The following NCALD variants were observed in gnomAD, a reference collection of about 807,000 sequenced individuals.
NCALD encodes neurocalcin-delta.
Under a neutral mutation model 18.6 loss-of-function variants are expected in NCALD, and 10 were observed. That is an observed-to-expected ratio of 0.54 (90% confidence interval 0.33 to 0.91). The LOEUF is 0.91. Among genes scored for constraint, NCALD ranks in the 40% least tolerant of loss-of-function variants. The probability of loss-of-function intolerance (pLI) is 0.03; values close to 1 mark genes in which losing one functional copy is unlikely to be tolerated. For missense variants in NCALD, 184 were observed against 247.6 expected (o/e 0.74, Z 1.72); for synonymous variants, 88 against 87.4 (o/e 1.01, Z -0.04).
intron 4 of NCALD, among the ~76,000 whole-genome samples, chr8:101,797,172 C>T (rs1160213240): frequency 6.6e-6 from 1 of 152,232 alleles, no homozygotes; most frequent in African/African-American, 2.4e-5. Flanking sequence ...TGGGCATGTG[C>T]CCTCAACCTT....
chr8:101,959,368 T>A (rs1819753588), intron 2 of NCALD, among the ~76,000 whole-genome samples: 1 of 152,186 alleles, frequency 6.6e-6, no homozygotes, highest in Admixed American at 6.5e-5. Flanking sequence ...TTTCAATTTG[T>A]CTCATTCAAG....
Position 101,872,970 on chromosome 8 carries a change from A to T in NCALD, c.-20+14171T>A, listed in dbSNP as rs62518464. On this transcript the variant is annotated intron_variant, in intron 4 of 6. Coordinates refer to the NCALD transcript ENST00000311028. The stretch of plus-strand genomic sequence containing the variant: ...GAGGAGGAAATGAGGATCTCTGCAA[A>T]GTCTCTTACCTTCCACTAATGCTTT... Among the ~76,000 whole-genome samples, 271 of 152,322 alleles carry T rather than the reference A, an allele frequency of 1.8e-3. 1 individual carries two copies. The highest frequency in any genetic ancestry group is 3.2e-3 in the Non-Finnish European group (215 of 68,030).
chr8:101,990,730 T>A (rs1307845990), intron 2 of NCALD, among the ~76,000 whole-genome samples: 1 of 152,220 alleles, frequency 6.6e-6, no homozygotes, highest in Non-Finnish European at 1.5e-5. Flanking sequence ...ACTTCTTTTG[T>A]AAATTGCCCA....
At chr8:101,986,425 C>T (rs1362091542) in intron 2 of NCALD, 1 of 152,282 alleles carries the variant, frequency 6.6e-6, no homozygotes, top group Non-Finnish European at 1.5e-5. Context: ...CACCTATAAG[C>T]TCTGATTCAC....
At chr8:101,710,974 T>C (rs182602743) in intron 2 of NCALD, among the ~76,000 whole-genome samples, 46 of 152,272 alleles carry the variant, frequency 3.0e-4, no homozygotes, top group East Asian at 1.2e-3. Context: ...GACTAGGAGA[T>C]GCCTCCCAGC....
intron 1 of NCALD, among the ~76,000 whole-genome samples, chr8:101,763,966 C>CACA (rs1491550100): frequency 1.2e-5 from 1 of 85,170 alleles, no homozygotes; most frequent in East Asian, 3.5e-4. Flanking sequence ...CTCTCTCTCT[C>CACA]CACACACACA....
chr8:102,088,008 G>A (rs186676821), intron 1 of NCALD, among the ~76,000 whole-genome samples: 1 of 152,196 alleles, frequency 6.6e-6, no homozygotes, highest in Non-Finnish European at 1.5e-5. Flanking sequence ...GGATTTGTGA[G>A]GCTAATCTTA....
At chr8:102,100,655 G>A (rs888750069) in intron 1 of NCALD, among the ~76,000 whole-genome samples, 4 of 152,272 alleles carry the variant, frequency 2.6e-5, no homozygotes, top group African/African-American at 9.6e-5. Flanking sequence ...GAACCCAAAC[G>A]TTCACCAACA....
chr8:101,833,172 G>C (rs918666114), intron 4 of NCALD, among the ~76,000 whole-genome samples: 1 of 152,178 alleles, frequency 6.6e-6, no homozygotes, highest in Non-Finnish European at 1.5e-5. Context: ...AGACCAGTGA[G>C]TCTCAAATTT....
intron 4 of NCALD, among the ~76,000 whole-genome samples, chr8:101,874,717 G>T (rs895648712): frequency 1.3e-5 from 2 of 151,958 alleles, no homozygotes; most frequent in Non-Finnish European, 1.5e-5. Context: ...TTGTAGAGAC[G>T]AGGTCTTACT....
intron 2 of NCALD, among the ~76,000 whole-genome samples, chr8:102,009,426 T>C (rs1239808397): frequency 1.3e-5 from 2 of 152,362 alleles, no homozygotes; most frequent in African/African-American, 2.4e-5. Context: ...GACCTGTTTT[T>C]GTTTCCGTCT....
At chr8:102,088,556 A>G (rs767703792) in intron 1 of NCALD, among the ~76,000 whole-genome samples, 34 of 96,388 alleles carry the variant, frequency 3.5e-4, no homozygotes, top group Middle Eastern at 4.9e-3. Context: ...GTTTTCGGGG[A>G]AAAAAAAAAA....
chr8:101,727,828 T>A (rs926035992), intron 1 of NCALD, among the ~76,000 whole-genome samples: 10 of 152,238 alleles, frequency 6.6e-5, no homozygotes, highest in Non-Finnish European at 1.5e-4. Flanking sequence ...CCAGGCACCT[T>A]GGCCTCCTGG....
At chr8:102,094,474 C>T (rs1442231012) in intron 1 of NCALD, among the ~76,000 whole-genome samples, 4 of 152,184 alleles carry the variant, frequency 2.6e-5, no homozygotes, top group African/African-American at 9.6e-5. Flanking sequence ...GGGATTTAAA[C>T]ACATCTGCCT....
At chr8:101,719,716 T>C (rs1013264172) in intron 1 of NCALD, 68 bp from the exon 2 acceptor site, 1 of 1,389,078 alleles carries the variant, frequency 7.2e-7, no homozygotes, top group Admixed American at 2.4e-5. Context: ...TTATAATTTG[T>C]AATTGTTCCT....
chr8:101,833,623 T>G (rs1409530270), intron 4 of NCALD, among the ~76,000 whole-genome samples: 1 of 148,704 alleles, frequency 6.7e-6, no homozygotes, highest in Non-Finnish European at 1.5e-5. Context: ...TTTTTTTTTT[T>G]TTTTTTTTTT....
At chr8:102,067,228 C>T (rs1211913371) in intron 1 of NCALD, among the ~76,000 whole-genome samples, 6 of 152,186 alleles carry the variant, frequency 3.9e-5, no homozygotes, top group African/African-American at 1.2e-4. Flanking sequence ...TGTGTGCTCA[C>T]TTCTAGCACG....
intron 1 of NCALD, among the ~76,000 whole-genome samples, chr8:102,074,819 A>T (rs981790953): frequency 2.0e-5 from 3 of 152,232 alleles, no homozygotes; most frequent in Admixed American, 6.5e-5. Context: ...GTGGTTTTTT[A>T]ATCAATTTAG....
At chr8:101,794,833 T>A (rs1488224736), upstream of NCALD, among the ~76,000 whole-genome samples, 1 of 152,222 alleles carries the variant, frequency 6.6e-6, no homozygotes, top group East Asian at 1.9e-4. Flanking sequence ...ATAATTTACA[T>A]TTGATATGCT....
Sources: allele counts gnomAD v4.1 joint callset (sites outside exome capture counted in the v4.1 genomes callset), GRCh38; gene constraint gnomAD v4.1.1; transcripts MANE v1.5; gene names NCBI Gene and HGNC (gene_info 2026-07-23, HGNC 2026-07-21).